The following ZBED6 variants were observed in gnomAD, a reference collection of about 807,000 sequenced individuals.
The protein encoded by ZBED6 is zinc finger BED domain-containing protein 6.
In ZBED6, 40 loss-of-function variants were observed where a neutral mutation model predicts 58.4. The observed-to-expected ratio is 0.68, with a 90% CI of 0.53 to 0.89. The LOEUF (loss-of-function observed/expected upper bound fraction) is 0.89. ZBED6 is among the 40% of genes least tolerant of loss of function. ZBED6 has a pLI of 0.00. For synonymous variants in ZBED6, 439 were observed against 350.6 expected (o/e 1.25, Z -2.82); for missense variants, 1,057 against 1,003.9 (o/e 1.05, Z -0.71).
intron 11 of ZBED6, among the ~76,000 whole-genome samples, chr1:203,846,163 G>T (rs373624023): frequency 2.0e-5 from 3 of 149,124 alleles, no homozygotes; most frequent in Non-Finnish European, 1.5e-5. Context: ...ATTTTTTTGG[G>T]GGGGGGGTTC....
chr1:203,846,475 A>C (rs913487612), intron 11 of ZBED6, among the ~76,000 whole-genome samples: 1 of 152,186 alleles, frequency 6.6e-6, no homozygotes, highest in Non-Finnish European at 1.5e-5. Flanking sequence ...CTTGTAGACA[A>C]GTGTAGGTGT....
At chr1:203,853,229 A>G (rs538335348) in exon 17 of ZBED6, 1 of 152,600 alleles carries the variant, frequency 6.6e-6, no homozygotes, top group East Asian at 1.9e-4. Flanking sequence ...CACAGGGACA[A>G]AATTTGGTTA....
exon 1 of ZBED6, chr1:203,802,961 A>G (rs1237212315): frequency 1.3e-5 from 2 of 152,546 alleles, no homozygotes; most frequent in Non-Finnish European, 2.9e-5. Flanking sequence ...CTACAGGCGT[A>G]ATAGATTGGA....
intron 7 of ZBED6, 105 bp from the exon 8 acceptor site, chr1:203,831,555 AT>A: frequency 1.2e-6 from 1 of 842,452 alleles, no homozygotes; most frequent in South Asian, 1.6e-5. Flanking sequence ...TATAGTCATA[AT>A]ATCAGTCTGT....
chr1:203,798,703 C>G (rs1410099633), exon 1 of ZBED6: 19 of 1,536,072 alleles, frequency 1.2e-5, no homozygotes, highest in Non-Finnish European at 1.7e-5. Flanking sequence ...CTGATGCGTG[C>G]GCAGGAGAGA....
chr1:203,797,840 C>T (rs980082786), exon 1 of ZBED6: 1 of 1,535,944 alleles, frequency 6.5e-7, no homozygotes, highest in Non-Finnish European at 8.7e-7. Context: ...CTTCCAATGA[C>T]CCTGAGCAGG....
At chr1:203,818,841 G>T (rs957885425) in intron 3 of ZBED6, 152 bp downstream of exon 3, 2 of 1,240,146 alleles carry the variant, frequency 1.6e-6, no homozygotes, top group Non-Finnish European at 2.2e-6. Flanking sequence ...AGGCTGAGGC[G>T]GGTAGATCAT....
rs775669259 is a variant in ZBED6 at position 203,847,483 on chromosome 1, C to T, written c.*4041C>T. 1.2e-5 allele frequency: 19 copies of T among 1,613,914 alleles called. No homozygotes were observed. The South Asian group carries it at 1.8e-4, about 15-fold the overall frequency. ...AATTAAAAAAACAGTAGTTTTGCCA[C>T]CCATTGTTGCCAGCAGAGGACAATC... is the stretch of plus-strand genomic sequence containing the variant. On this transcript the variant is annotated 3_prime_UTR_variant, in exon 12 of 17. Transcript: ENST00000550078.
chr1:203,847,505 A>G (rs1370346237), exon 12 of ZBED6: 1 of 1,613,978 alleles, frequency 6.2e-7, no homozygotes, highest in East Asian at 2.2e-5. Context: ...AGCAGAGGAC[A>G]ATCAGAGGAG....
At chr1:203,797,793 T>A (rs746955025) in exon 1 of ZBED6, 1 of 1,536,030 alleles carries the variant, frequency 6.5e-7, no homozygotes, top group South Asian at 1.2e-5. Context: ...GGATTTGGGA[T>A]CTGGGAGGCC....
intron 1 of ZBED6, among the ~76,000 whole-genome samples, chr1:203,811,420 T>C (rs1481394470): frequency 3.9e-5 from 6 of 152,370 alleles, no homozygotes; most frequent in Admixed American, 1.3e-4. Context: ...TTGTTGCTGG[T>C]CTTTCTAAAA....
At chr1:203,810,310 T>C (rs993712233) in intron 1 of ZBED6, among the ~76,000 whole-genome samples, 7 of 152,120 alleles carry the variant, frequency 4.6e-5, no homozygotes, top group African/African-American at 1.4e-4. Context: ...ATATTTGTTT[T>C]TATCCTAGTG....
At chr1:203,843,643 T>G (rs558163262) in intron 11 of ZBED6, among the ~76,000 whole-genome samples, 140 of 152,324 alleles carry the variant, frequency 9.2e-4, no homozygotes, top group African/African-American at 3.2e-3. Context: ...AATGAATGAC[T>G]GCTGGTGTGT....
chr1:203,809,594 T>A (rs1315363358), intron 1 of ZBED6, among the ~76,000 whole-genome samples: 2 of 152,014 alleles, frequency 1.3e-5, no homozygotes, highest in Non-Finnish European at 2.9e-5. Context: ...TTCTAGAGAG[T>A]GGGTTGAGAA....
chr1:203,829,988 C>T, intron 6 of ZBED6, 92 bp downstream of exon 6: 1 of 1,366,326 alleles, frequency 7.3e-7, no homozygotes, highest in South Asian at 1.2e-5. Flanking sequence ...CTTCTTTTTC[C>T]CATGCTACAC....
chr1:203,800,613 T>C (rs767214549), exon 1 of ZBED6: 1 of 655,876 alleles, frequency 1.5e-6, no homozygotes, highest in Non-Finnish European at 2.3e-6. Context: ...GGCAATATAA[T>C]TTTGATAAAA....
chr1:203,816,787 CAG>C (rs1676529618), intron 1 of ZBED6, 137 bp from the exon 2 acceptor site: 1 of 310,206 alleles, frequency 3.2e-6, no homozygotes, highest in East Asian at 5.6e-5. Flanking sequence ...TATTCGCAAT[CAG>C]TGTGTTTACA....
chr1:203,800,594 T>C lies in ZBED6; in HGVS notation c.*132T>C. On this transcript the variant is annotated 3_prime_UTR_variant, in exon 1 of 17. Transcript: ENST00000550078. ...CCTGAAATCACACAAGGGCTGAAAA[T>C]TCCTCAGAGGCAATATAATTTTGAT... The C allele has an allele frequency of 4.1e-6, 3 of 726,556 alleles. No homozygotes were observed. The South Asian group carries it at 9.3e-5, about 23-fold the overall frequency. 45.0% of individuals were successfully genotyped at this position (726,556 alleles called of 1,614,324 possible). A position where few individuals can be genotyped will look rare whatever the true frequency, so the allele number is the denominator to read the frequency against.
intron 1 of ZBED6, among the ~76,000 whole-genome samples, chr1:203,806,470 T>C (rs1260811742): frequency 6.6e-6 from 1 of 152,070 alleles, no homozygotes; most frequent in Non-Finnish European, 1.5e-5. Context: ...CCCGGCTAAT[T>C]TTTGTATTTT....
Sources: allele counts gnomAD v4.1 joint callset (sites outside exome capture counted in the v4.1 genomes callset), GRCh38; gene constraint gnomAD v4.1.1; transcripts MANE v1.5; gene names NCBI Gene and HGNC (gene_info 2026-07-23, HGNC 2026-07-21).